ZFPM2: variants seen among roughly 807,000 people sequenced by gnomAD.
ZFPM2 encodes the protein zinc finger protein, FOG family member 2, also known as zinc finger protein ZFPM2.
ZFPM2 carries 20 observed loss-of-function variants against 98.6 expected under a neutral mutation model. The observed-to-expected ratio is 0.20, with a 90% CI of 0.14 to 0.29. ZFPM2 has a LOEUF of 0.29. Ranked by LOEUF, ZFPM2 falls within the 10% of genes least tolerant of loss-of-function variation. The probability of loss-of-function intolerance (pLI) is 1.00; values close to 1 mark genes in which losing one functional copy is unlikely to be tolerated. For missense variants in ZFPM2, 1,310 were observed against 1,388.6 expected, an observed-to-expected ratio of 0.94 and a Z score of 0.90; for synonymous variants, 518 against 502.7, an observed-to-expected ratio of 1.03 and a Z score of -0.41.
intron 4 of ZFPM2, among the ~76,000 whole-genome samples, chr8:105,627,859 ATC>A (rs1174056463): frequency 1.3e-5 from 2 of 152,160 alleles, no homozygotes; most frequent in Non-Finnish European, 2.9e-5. Context: ...TTTAAAAGAG[ATC>A]TGGAAATTGA....
chr8:105,374,248 TA>T (rs1810679482), intron 1 of ZFPM2, among the ~76,000 whole-genome samples: 1 of 152,148 alleles, frequency 6.6e-6, no homozygotes, highest in African/African-American at 2.4e-5. Flanking sequence ...AACTTTTTAA[TA>T]AAGAAAATGG....
intron 5 of ZFPM2, among the ~76,000 whole-genome samples, chr8:105,650,823 C>T (rs537665984): frequency 2.6e-5 from 4 of 152,170 alleles, no homozygotes; most frequent in East Asian, 3.9e-4. Context: ...GGAATAAGTG[C>T]GATGTGGTGC....
At chr8:105,354,114 C>CT (rs1308011762) in intron 1 of ZFPM2, among the ~76,000 whole-genome samples, 3 of 152,124 alleles carry the variant, frequency 2.0e-5, no homozygotes, top group Non-Finnish European at 4.4e-5. Flanking sequence ...AGGATGCTAA[C>CT]TTTTTTACAC....
chr8:105,767,477 A>G (rs1283873130), intron 5 of ZFPM2, among the ~76,000 whole-genome samples: 1 of 151,938 alleles, frequency 6.6e-6, no homozygotes, highest in African/African-American at 2.4e-5. Flanking sequence ...GCCTATAAAT[A>G]CACTGGGGTC....
intron 3 of ZFPM2, among the ~76,000 whole-genome samples, chr8:105,501,125 G>A (rs1813585020): frequency 6.6e-6 from 1 of 151,824 alleles, no homozygotes; most frequent in Non-Finnish European, 1.5e-5. Flanking sequence ...CTTTTGAAAG[G>A]TGTTCTGGTA....
intron 5 of ZFPM2, 32 bp from the exon 6 acceptor site, chr8:105,788,686 A>C: frequency 6.2e-7 from 1 of 1,605,448 alleles, no homozygotes; most frequent in East Asian, 2.2e-5. Flanking sequence ...ATCCTATGTC[A>C]ATTTTATCTT....
intron 1 of ZFPM2, among the ~76,000 whole-genome samples, chr8:105,358,839 C>A (rs1812800381): frequency 1.3e-5 from 2 of 152,252 alleles, no homozygotes; most frequent in South Asian, 4.1e-4. Flanking sequence ...CCTGTAGTCC[C>A]AGCTACTTGG....
At chr8:105,649,448 G>A (rs900950779) in intron 5 of ZFPM2, among the ~76,000 whole-genome samples, 6 of 152,140 alleles carry the variant, frequency 3.9e-5, no homozygotes, top group Admixed American at 6.5e-5. Context: ...GGGCATCCCT[G>A]TCTTAATGCC....
chr8:105,710,486 G>T (rs1039876901), intron 5 of ZFPM2, among the ~76,000 whole-genome samples: 2 of 152,020 alleles, frequency 1.3e-5, no homozygotes, highest in Admixed American at 6.6e-5. Flanking sequence ...TCTTTTATGT[G>T]CATACGACAT....
chr8:105,417,435 C>T (rs1416766421), intron 1 of ZFPM2, among the ~76,000 whole-genome samples: 1 of 151,932 alleles, frequency 6.6e-6, no homozygotes, highest in African/African-American at 2.4e-5. Flanking sequence ...GAAACTCTTA[C>T]ATGAAACAAA....
At chr8:105,715,680 A>G (rs1811507910) in intron 5 of ZFPM2, among the ~76,000 whole-genome samples, 1 of 152,010 alleles carries the variant, frequency 6.6e-6, no homozygotes, top group South Asian at 2.1e-4. Context: ...TTTTTCACCA[A>G]AGTATAGCCA....
chr8:105,523,734 A>G (rs1277369657), intron 3 of ZFPM2, among the ~76,000 whole-genome samples: 3 of 152,310 alleles, frequency 2.0e-5, no homozygotes, highest in South Asian at 2.1e-4. Flanking sequence ...AAAATACCAC[A>G]GGCATTTAGT....
At position 105,802,599 on chromosome 8, in the gene ZFPM2, G is replaced by A. The variant is rs1442526576; in HGVS notation, c.2517G>A (p.Gln839=). The change falls in exon 8 of 8, where the codon CAG becomes CAA. Residue 839 remains glutamine (Q), a synonymous_variant. Coordinates refer to ENST00000407775, the MANE Select transcript of ZFPM2 (RefSeq NM_012082.4). ...PIDLSKKCLS[Q]SERTTTSPKR... is the part of the protein sequence containing the mutation. ...ATCTCAGCAAAAAGTGTTTATCTCA[G>A]TCTGAGCGGACGACCACGTCTCCCA... The A allele has an allele frequency of 1.2e-6, 2 of 1,610,562 alleles. No individual in the cohort carries two copies. The highest frequency in any genetic ancestry group is 1.3e-5 in the African/African-American group (1 of 74,962).
chr8:105,669,535 C>CGTGTGTGTGT (rs774418053), intron 5 of ZFPM2, among the ~76,000 whole-genome samples: 1 of 130,814 alleles, frequency 7.6e-6, no homozygotes, highest in African/African-American at 2.8e-5. Flanking sequence ...TGAAAGTGTG[C>CGTGTGTGTGT]ATGTGTGTGT....
chr8:105,787,974 C>CTCT (rs1813471921), intron 5 of ZFPM2, among the ~76,000 whole-genome samples: 1 of 152,142 alleles, frequency 6.6e-6, no homozygotes, highest in Non-Finnish European at 1.5e-5. Context: ...CAGAGTATAT[C>CTCT]TCAGTGTTTG....
intron 3 of ZFPM2, among the ~76,000 whole-genome samples, chr8:105,557,757 A>C (rs1482681352): frequency 6.6e-6 from 1 of 152,198 alleles, no homozygotes; most frequent in Non-Finnish European, 1.5e-5. Context: ...GGAATAAATA[A>C]ATCAAATAAG....
At chr8:105,768,234 C>T (rs1411088706) in intron 5 of ZFPM2, among the ~76,000 whole-genome samples, 4 of 151,474 alleles carry the variant, frequency 2.6e-5, no homozygotes, top group Non-Finnish European at 5.9e-5. Context: ...ATGTATTATC[C>T]AAAAAATAAA....
Position 105,400,443 on chromosome 8 carries a change from G to A in ZFPM2, c.41-18701G>A, listed in dbSNP as rs113069870. Among the ~76,000 whole-genome samples, 283 of 152,006 alleles carry A rather than the reference G, an allele frequency of 1.9e-3. 1 individual carries two copies. Among genetic ancestry groups the A allele is most frequent in the Non-Finnish European group, 3.6e-3 (248 of 67,972 alleles). On this transcript the variant is annotated intron_variant, in intron 1 of 7. Transcript: ENST00000407775. ...CCTACCCCACAACAGTCCCCAGAGTGTGATATTCCCCTTCCTGTGTCCATG... is the reference window on the plus strand; with the variant it reads ...CCTACCCCACAACAGTCCCCAGAGTATGATATTCCCCTTCCTGTGTCCATG...
chr8:105,501,867 C>G (rs1813602678), intron 3 of ZFPM2, among the ~76,000 whole-genome samples: 1 of 152,006 alleles, frequency 6.6e-6, no homozygotes, highest in Non-Finnish European at 1.5e-5. Context: ...TCTCCTATAT[C>G]TCTTTGAAAT....
Sources: allele counts gnomAD v4.1 joint callset (sites outside exome capture counted in the v4.1 genomes callset), GRCh38; gene constraint gnomAD v4.1.1; transcripts MANE v1.5; gene names NCBI Gene and HGNC (gene_info 2026-07-23, HGNC 2026-07-21).